The following RUFY2 variants were observed in gnomAD, a reference collection of about 807,000 sequenced individuals.
RUFY2 encodes the protein RUN and FYVE domain containing 2.
In RUFY2, 49 loss-of-function variants were observed where a neutral mutation model predicts 94.4. That is an observed-to-expected ratio of 0.52 (90% CI 0.41 to 0.66). The LOEUF (loss-of-function observed/expected upper bound fraction) is 0.66, where lower values mean the gene tolerates loss of function less well. Among genes scored for constraint, RUFY2 ranks in the 30% least tolerant of loss-of-function variants. RUFY2 has a pLI of 0.00. For missense variants in RUFY2, 541 were observed against 692.8 expected, an observed-to-expected ratio of 0.78 and a Z score of 2.46; for synonymous variants, 255 against 235.7, an observed-to-expected ratio of 1.08 and a Z score of -0.75.
chr10:68,401,560 T>C (rs2050851019), intron 3 of RUFY2, 60 bp downstream of exon 3: 1 of 1,022,694 alleles, frequency 9.8e-7, no homozygotes, highest in African/African-American at 1.6e-5. Flanking sequence ...GTGAGGTACT[T>C]TGGAGGAACA....
intron 16 of RUFY2, among the ~76,000 whole-genome samples, chr10:68,349,442 A>C (rs918440795): frequency 2.0e-5 from 3 of 151,828 alleles, no homozygotes; most frequent in African/African-American, 7.3e-5. Flanking sequence ...GATTGCTTGA[A>C]CCCAGAAGTT....
At chr10:68,352,005 C>T (rs144603192) in intron 16 of RUFY2, among the ~76,000 whole-genome samples, 265 of 149,062 alleles carry the variant, frequency 1.8e-3, no homozygotes, top group African/African-American at 4.3e-3. Flanking sequence ...TGCAGTGAGC[C>T]GAGATCATGC....
intron 3 of RUFY2, among the ~76,000 whole-genome samples, chr10:68,398,329 CCT>C (rs1226410711): frequency 6.6e-6 from 1 of 152,042 alleles, no homozygotes. Context: ...AAATCTCATA[CCT>C]CTCTTACCCA....
At chr10:68,374,873 A>G (rs1415693537) in intron 13 of RUFY2, among the ~76,000 whole-genome samples, 1 of 152,188 alleles carries the variant, frequency 6.6e-6, no homozygotes, top group African/African-American at 2.4e-5. Context: ...GCCCCTGTCA[A>G]CCTCAACCTG....
chr10:68,347,527 G>A (rs556660900), intron 16 of RUFY2, among the ~76,000 whole-genome samples: 4 of 151,950 alleles, frequency 2.6e-5, no homozygotes, highest in East Asian at 3.9e-4. Context: ...CAGGTGATCC[G>A]CCCACTTCGG....
intron 16 of RUFY2, among the ~76,000 whole-genome samples, chr10:68,346,940 TG>T (rs893567462): frequency 5.0e-4 from 76 of 152,220 alleles, no homozygotes; most frequent in African/African-American, 1.8e-3. Flanking sequence ...AAGACTGGCC[TG>T]GGGAACAGAC....
At chr10:68,356,410 G>A (rs1266536795) in intron 15 of RUFY2, among the ~76,000 whole-genome samples, 1 of 151,906 alleles carries the variant, frequency 6.6e-6, no homozygotes, top group Non-Finnish European at 1.5e-5. Context: ...GGAAGGTGAG[G>A]CAGGAGAATC....
chr10:68,369,484 CAA>C (rs56118945), intron 13 of RUFY2, among the ~76,000 whole-genome samples: 30 of 135,908 alleles, frequency 2.2e-4, no homozygotes, highest in Middle Eastern at 4.0e-3. Context: ...GACCTTGTCT[CAA>C]AAAAAAAAAA....
At chr10:68,374,511 TAG>T (rs1357597193) in intron 13 of RUFY2, among the ~76,000 whole-genome samples, 1 of 152,136 alleles carries the variant, frequency 6.6e-6, no homozygotes, top group Non-Finnish European at 1.5e-5. Context: ...AACAGAGCTT[TAG>T]AATACAATAA....
intron 10 of RUFY2, among the ~76,000 whole-genome samples, chr10:68,382,273 GT>G (rs1302814085): frequency 2.0e-5 from 3 of 150,946 alleles, no homozygotes; most frequent in Non-Finnish European, 4.4e-5. Flanking sequence ...AGCCAGGATG[GT>G]CTCGATCTCC....
intron 13 of RUFY2, among the ~76,000 whole-genome samples, chr10:68,368,250 G>C (rs539101050): frequency 6.4e-4 from 97 of 150,920 alleles, no homozygotes; most frequent in Admixed American, 1.1e-3. Flanking sequence ...TTACAGGCGT[G>C]AGCCACCAGG....
rs967147650 is a variant in RUFY2 at position 68,394,216 on chromosome 10, A to G, written c.523-80T>C. 6.4e-6 allele frequency: 10 copies of G among 1,550,566 alleles called. No homozygotes were observed. In the Admixed American group the frequency reaches 1.8e-4, roughly 28 times the overall value. On this transcript the variant is annotated intron_variant, in intron 5 of 17. Coordinates refer to ENST00000602465, the MANE Select transcript of RUFY2 (RefSeq NM_001330103.2). ...GTACCTTTACTGAATGTTACTCTTA[A>G]TATTCCTTTAGTGTTTAACAGTCCT... is the stretch of plus-strand genomic sequence containing the variant.
At chr10:68,374,679 C>T (rs1054845471) in intron 13 of RUFY2, among the ~76,000 whole-genome samples, 1 of 152,146 alleles carries the variant, frequency 6.6e-6, no homozygotes, top group African/African-American at 2.4e-5. Flanking sequence ...AGCTTAGCAA[C>T]TTATACATCA....
chr10:68,376,538 A>G, intron 13 of RUFY2, among the ~76,000 whole-genome samples: 1 of 135,592 alleles, frequency 7.4e-6, no homozygotes, highest in Non-Finnish European at 1.6e-5. Context: ...TCTTGTAGTT[A>G]CAAAAGCCTA....
At chr10:68,377,244 A>T in intron 12 of RUFY2, 1 of 1,274,822 alleles carries the variant, frequency 7.8e-7, no homozygotes, top group Non-Finnish European at 9.9e-7. Context: ...AGTGCAAAGC[A>T]ATACAGCCTT....
At chr10:68,356,149 A>G (rs2047041723) in intron 15 of RUFY2, among the ~76,000 whole-genome samples, 1 of 152,066 alleles carries the variant, frequency 6.6e-6, no homozygotes, top group South Asian at 2.1e-4. Context: ...TGTGACCCCA[A>G]AGGGCACATG....
intron 13 of RUFY2, among the ~76,000 whole-genome samples, chr10:68,368,504 A>G (rs969134802): frequency 1.3e-5 from 2 of 151,804 alleles, no homozygotes; most frequent in Non-Finnish European, 2.9e-5. Flanking sequence ...TACTAAAAAT[A>G]CAAAATTAGC....
intron 13 of RUFY2, among the ~76,000 whole-genome samples, chr10:68,372,573 C>T (rs1215021417): frequency 1.4e-5 from 2 of 142,208 alleles, no homozygotes; most frequent in Non-Finnish European, 3.1e-5. Context: ...GAGTGAGACC[C>T]CTCTCTCTTT....
At position 68,404,860 on chromosome 10, in the gene RUFY2, A is replaced by T; in HGVS notation, c.5-16T>A. On this transcript the variant is annotated splice_polypyrimidine_tract_variant and intron_variant, in intron 1 of 17. Coordinates refer to ENST00000602465, the MANE Select transcript of RUFY2 (RefSeq NM_001330103.2). ...TCTTTTGTAGCTGAAAACACAAGAAAGGAATCCAACATCATTTGTAAGACA... is the reference window on the plus strand; with the variant it reads ...TCTTTTGTAGCTGAAAACACAAGAATGGAATCCAACATCATTTGTAAGACA... 6.5e-7 allele frequency: 1 copy of T among 1,527,782 alleles called. No individual in the cohort carries two copies. Among genetic ancestry groups the T allele is most frequent in the Non-Finnish European group, 8.8e-7 (1 of 1,133,988 alleles). The allele number at this position is 1,527,782 out of a possible 1,614,324, so 94.6% of individuals were successfully genotyped here.
Sources: gnomAD v4.1 joint callset for allele counts (sites outside exome capture counted in the v4.1 genomes callset) on GRCh38, gnomAD v4.1.1 for gene constraint, MANE v1.5 for transcripts, NCBI Gene and HGNC (gene_info 2026-07-23, HGNC 2026-07-21) for gene names.